The following LRRC3B variants were observed in gnomAD, a reference collection of about 807,000 sequenced individuals.
LRRC3B encodes leucine rich repeat containing 3B.
In LRRC3B, 2 loss-of-function variants were observed where a neutral mutation model predicts 12.8. The observed-to-expected ratio is 0.16, with a 90% CI of 0.06 to 0.49. The LOEUF (loss-of-function observed/expected upper bound fraction) is 0.49, where lower values mean the gene tolerates loss of function less well. Among genes scored for constraint, LRRC3B ranks in the 20% least tolerant of loss-of-function variants. The pLI, the probability that LRRC3B is intolerant of heterozygous loss-of-function variation, is 0.96. For synonymous variants in LRRC3B, 132 were observed against 122.0 expected, an observed-to-expected ratio of 1.08 and a Z score of -0.54; for missense variants, 189 against 319.4, an observed-to-expected ratio of 0.59 and a Z score of 3.11.
chr3:26,698,404 A>C (rs1200406533), intron 1 of LRRC3B, among the ~76,000 whole-genome samples: 1 of 152,134 alleles, frequency 6.6e-6, no homozygotes, highest in Non-Finnish European at 1.5e-5. Flanking sequence ...AGTGAAATGG[A>C]GTCCTGGAGT....
intron 1 of LRRC3B, among the ~76,000 whole-genome samples, chr3:26,629,696 C>T (rs1698711847): frequency 6.6e-6 from 1 of 152,108 alleles, no homozygotes; most frequent in African/African-American, 2.4e-5. Flanking sequence ...TTTTATTTTC[C>T]TGCTGCTATG....
intron 1 of LRRC3B, among the ~76,000 whole-genome samples, chr3:26,636,233 C>A (rs1471775015): frequency 6.6e-6 from 1 of 150,656 alleles, no homozygotes; most frequent in Admixed American, 6.6e-5. Flanking sequence ...TAAAGAAGTC[C>A]TTTAAAAAAA....
intron 1 of LRRC3B, among the ~76,000 whole-genome samples, chr3:26,664,106 C>T (rs577640282): frequency 6.6e-6 from 1 of 152,184 alleles, no homozygotes; most frequent in East Asian, 1.9e-4. Context: ...TTATCATCTG[C>T]CCCTCTCCAA....
exon 2 of LRRC3B, chr3:26,710,043 G>T (rs1433291714): frequency 6.2e-7 from 1 of 1,613,870 alleles, no homozygotes; most frequent in African/African-American, 1.3e-5. Context: ...TCCGACAATC[G>T]GATTCAAAGT....
intron 1 of LRRC3B, among the ~76,000 whole-genome samples, chr3:26,693,607 C>T (rs1169933156): frequency 6.6e-6 from 1 of 152,142 alleles, no homozygotes; most frequent in Non-Finnish European, 1.5e-5. Context: ...TAGATATTAT[C>T]ATGCCCATTT....
intron 1 of LRRC3B, among the ~76,000 whole-genome samples, chr3:26,649,116 T>A (rs1012103499): frequency 1.3e-5 from 2 of 152,244 alleles, no homozygotes; most frequent in Non-Finnish European, 2.9e-5. Context: ...GCTACTTATT[T>A]TCTTGAGAAA....
chr3:26,701,853 A>C (rs537528060), intron 1 of LRRC3B, among the ~76,000 whole-genome samples: 13 of 152,104 alleles, frequency 8.5e-5, no homozygotes, highest in Non-Finnish European at 1.3e-4. Flanking sequence ...TTATATGGTA[A>C]CTTAACCCCT....
At chr3:26,703,734 T>C (rs1022724810) in intron 1 of LRRC3B, among the ~76,000 whole-genome samples, 1 of 151,622 alleles carries the variant, frequency 6.6e-6, no homozygotes, top group African/African-American at 2.4e-5. Flanking sequence ...CAGAGATCTA[T>C]TTTTGTATAT....
rs1446777825 is a variant in LRRC3B at position 26,700,461 on chromosome 3, G to A, written c.-160-9052G>A. The stretch of plus-strand genomic sequence containing the variant: ...CTAACCAGCTGTATGGCTTTGAGGA[G>A]TCTCCATTTTATGAGTTCCTCTACT... On this transcript the variant is annotated intron_variant, in intron 1 of 1. Coordinates refer to ENST00000396641, the Ensembl canonical transcript of LRRC3B. Among the ~76,000 whole-genome samples the A allele has an allele frequency of 3.9e-5, 6 of 152,142 alleles. No individual in the cohort carries two copies. In the East Asian group the frequency reaches 9.6e-4, roughly 24 times the overall value.
chr3:26,635,123 A>G (rs1273254932), intron 1 of LRRC3B, among the ~76,000 whole-genome samples: 1 of 152,160 alleles, frequency 6.6e-6, no homozygotes, highest in Non-Finnish European at 1.5e-5. Context: ...CCTGAGCCTC[A>G]GAATGTGTTT....
At chr3:26,666,668 T>G (rs1699611618) in intron 1 of LRRC3B, among the ~76,000 whole-genome samples, 1 of 152,172 alleles carries the variant, frequency 6.6e-6, no homozygotes, top group Admixed American at 6.5e-5. Context: ...TCTGGTACAT[T>G]TGCCACAATT....
At chr3:26,674,235 G>A (rs1476680748) in intron 1 of LRRC3B, among the ~76,000 whole-genome samples, 2 of 152,110 alleles carry the variant, frequency 1.3e-5, no homozygotes, top group African/African-American at 4.8e-5. Flanking sequence ...TCTGTGGGAG[G>A]TTGCACCATC....
At chr3:26,660,832 T>A (rs548012780) in intron 1 of LRRC3B, among the ~76,000 whole-genome samples, 1 of 152,290 alleles carries the variant, frequency 6.6e-6, no homozygotes, top group East Asian at 1.9e-4. Context: ...GAGTTACCTA[T>A]TTTGCCCAAA....
At chr3:26,679,289 C>A (rs1447762610) in intron 1 of LRRC3B, among the ~76,000 whole-genome samples, 1 of 152,194 alleles carries the variant, frequency 6.6e-6, no homozygotes, top group Non-Finnish European at 1.5e-5. Flanking sequence ...GTGATTAAAT[C>A]CCAGTGGCTT....
At chr3:26,671,559 T>A (rs1263932443) in intron 1 of LRRC3B, among the ~76,000 whole-genome samples, 1 of 149,398 alleles carries the variant, frequency 6.7e-6, no homozygotes, top group African/African-American at 2.5e-5. Flanking sequence ...GCCCAGCTAA[T>A]TTTTTTGTAT....
intron 1 of LRRC3B, among the ~76,000 whole-genome samples, chr3:26,642,500 A>T (rs566926489): frequency 2.0e-5 from 3 of 152,184 alleles, no homozygotes; most frequent in Non-Finnish European, 4.4e-5. Flanking sequence ...AACCCATAGG[A>T]TGTGGGGATG....
intron 1 of LRRC3B, chr3:26,624,771 T>G (rs1698586561): frequency 1.3e-5 from 2 of 152,272 alleles, no homozygotes; most frequent in African/African-American, 4.8e-5. Context: ...AGCTCCCAGG[T>G]AGATTCTTCT....
rs768001958 is a variant in LRRC3B, at chr3:26,685,615, G to GTATATATATATATATATATA, written c.-160-23879_-160-23878insATATATATATATATATATAT. Among the ~76,000 whole-genome samples, 14 of 120,468 alleles carry GTATATATATATATATATATA rather than the reference G, an allele frequency of 1.2e-4. No homozygotes were observed. The East Asian group carries it at 2.9e-3, about 25-fold the overall frequency. The allele number at this position is 120,468 out of a possible 152,430, so 79.0% of individuals were successfully genotyped here. ...CACTCATATATATATATGTGTGTGTGTATATATATATATATATATCTATAT... is the reference window on the plus strand; with the variant it reads ...CACTCATATATATATATGTGTGTGTGTATATATATATATATATATATATATATATATATATATATCTATAT... On this transcript the variant is annotated intron_variant, in intron 1 of 1. Transcript: ENST00000396641.
intron 1 of LRRC3B, among the ~76,000 whole-genome samples, chr3:26,687,746 A>T (rs764008259): frequency 1.3e-5 from 2 of 152,164 alleles, no homozygotes; most frequent in Non-Finnish European, 2.9e-5. Context: ...AACTTCCTTC[A>T]TTTCCTCTGT....
Sources: gnomAD v4.1 joint callset for allele counts (sites outside exome capture counted in the v4.1 genomes callset) on GRCh38, gnomAD v4.1.1 for gene constraint, MANE v1.5 for transcripts, NCBI Gene and HGNC (gene_info 2026-07-23, HGNC 2026-07-21) for gene names.